The following HIBCH variants were observed in gnomAD, a reference collection of about 807,000 sequenced individuals.
HIBCH encodes 3-hydroxyisobutyryl-CoA hydrolase.
HIBCH carries 50 observed loss-of-function variants against 58.2 expected under a neutral mutation model. That is an observed-to-expected ratio of 0.86 (90% CI 0.68 to 1.09). HIBCH has a LOEUF of 1.09. Among genes scored for constraint, HIBCH ranks in the 50% least tolerant of loss-of-function variants. The pLI, the probability that HIBCH is intolerant of heterozygous loss-of-function variation, is 0.00. For missense variants in HIBCH, 450 were observed against 449.7 expected (o/e 1.00, Z -0.01); for synonymous variants, 151 against 146.9 (o/e 1.03, Z -0.20).
At position 190,209,798 on chromosome 2, in the gene HIBCH, A is replaced by C. The variant is rs1197930512; in HGVS notation, c.1012-885T>G. Among the ~76,000 whole-genome samples, 1 of 152,242 alleles carries C rather than the reference A, an allele frequency of 6.6e-6. No homozygotes were observed. On this transcript the variant is annotated intron_variant, in intron 12 of 13. Transcript: ENST00000359678. The surrounding 1 kb of genome is among the most constrained non-coding windows in gnomAD (Gnocchi z 5.6). ...TCCTAGAATCATCGATGTAGGCAATATAGCTGAGTTCAAATGTCTAGGTTC... is the reference window on the plus strand; with the variant it reads ...TCCTAGAATCATCGATGTAGGCAATCTAGCTGAGTTCAAATGTCTAGGTTC...
At chr2:190,278,383 T>C (rs2941091) in intron 6 of HIBCH, among the ~76,000 whole-genome samples, 108,572 of 151,554 alleles carry the variant, frequency 0.72, 39,438 homozygotes, top group Non-Finnish European at 0.75. Flanking sequence ...TTTGTATTTT[T>C]AGTAGAGAGG....
chr2:190,276,917 G>T (rs1687566831), intron 6 of HIBCH, among the ~76,000 whole-genome samples: 1 of 152,136 alleles, frequency 6.6e-6, no homozygotes, highest in South Asian at 2.1e-4. Flanking sequence ...TAAATGACTG[G>T]TATCACTGCT....
intron 1 of HIBCH, among the ~76,000 whole-genome samples, chr2:190,313,763 T>A (rs886308599): frequency 3.0e-4 from 46 of 152,074 alleles, no homozygotes; most frequent in Non-Finnish European, 1.3e-4. Flanking sequence ...AGATACTTTG[T>A]TTGAAGCTCC....
At position 190,266,806 on chromosome 2, in the gene HIBCH, C is replaced by A. The variant is rs186612824; in HGVS notation, c.439-5572G>T. Among the ~76,000 whole-genome samples, 64 of 151,778 alleles carry A rather than the reference C, an allele frequency of 4.2e-4. 1 individual carries two copies. In the East Asian group the frequency reaches 0.012, roughly 29 times the overall value. On this transcript the variant is annotated intron_variant, in intron 6 of 13. Coordinates refer to ENST00000359678, the MANE Select transcript of HIBCH (RefSeq NM_014362.4). The stretch of plus-strand genomic sequence containing the variant: ...GAGTCCTGCTTTGTTGCCCAGGCTG[C>A]AGTGCAGTGGCACAATATCAGCTCA...
intron 2 of HIBCH, among the ~76,000 whole-genome samples, chr2:190,308,458 G>T (rs908280581): frequency 1.3e-5 from 2 of 152,164 alleles, no homozygotes; most frequent in Non-Finnish European, 2.9e-5. Context: ...CTGCTCACAT[G>T]AACGGATTAA....
chr2:190,318,834 C>T lies in HIBCH; in HGVS notation c.35+882G>A, dbSNP rs1330025300. ...GGTATTAAAAAAACAAACAGAAAAG[C>T]AACTCTTAAATGTATAACAAAAATT... On this transcript the variant is annotated intron_variant, in intron 1 of 13. Transcript: ENST00000359678. Among the ~76,000 whole-genome samples, 5 of 152,098 alleles carry T rather than the reference C, an allele frequency of 3.3e-5. No individual in the cohort carries two copies. In the East Asian group the frequency reaches 9.6e-4, roughly 29 times the overall value.
At chr2:190,305,446 A>G (rs1036127315) in intron 2 of HIBCH, among the ~76,000 whole-genome samples, 6 of 152,096 alleles carry the variant, frequency 3.9e-5, no homozygotes, top group African/African-American at 1.4e-4. Context: ...TCCAATCTTC[A>G]CGTGACATTA....
At position 190,223,628 on chromosome 2, in the gene HIBCH, T is replaced by A. The variant is rs1043061342; in HGVS notation, c.892-10553A>T. 3.9e-5 allele frequency among the ~76,000 whole-genome samples: 6 copies of A among 152,090 alleles called. No individual in the cohort carries two copies. In the South Asian group the frequency reaches 8.3e-4, roughly 21 times the overall value. ...AACTCAAAGAGGGAGAAAATTAATA[T>A]AATTAGTTCTTAGAGGAGGCAGGAA... On this transcript the variant is annotated intron_variant, in intron 11 of 13. Coordinates refer to ENST00000359678, the MANE Select transcript of HIBCH (RefSeq NM_014362.4).
chr2:190,293,988 T>A (rs1688030397), intron 4 of HIBCH, among the ~76,000 whole-genome samples: 1 of 143,480 alleles, frequency 7.0e-6, no homozygotes, highest in Non-Finnish European at 1.5e-5. Flanking sequence ...TAAAATATAC[T>A]TACAATATAT....
chr2:190,318,641 G>A (rs1240937202), intron 1 of HIBCH, among the ~76,000 whole-genome samples: 1 of 152,174 alleles, frequency 6.6e-6, no homozygotes, highest in Non-Finnish European at 1.5e-5. Context: ...GGAAATGACA[G>A]ATCCTTTCCT....
At chr2:190,222,489 A>G (rs1685749337) in intron 11 of HIBCH, among the ~76,000 whole-genome samples, 1 of 152,238 alleles carries the variant, frequency 6.6e-6, no homozygotes, top group African/African-American at 2.4e-5. Flanking sequence ...CTCAAAAAAG[A>G]CATTTATGCA....
chr2:190,285,024 A>G (rs1378560606), intron 6 of HIBCH, among the ~76,000 whole-genome samples: 1 of 152,082 alleles, frequency 6.6e-6, no homozygotes, highest in African/African-American at 2.4e-5. Context: ...ATTCATTTTC[A>G]TCACTTATAT....
chr2:190,284,381 A>T (rs1208538248), intron 6 of HIBCH, among the ~76,000 whole-genome samples: 1 of 148,910 alleles, frequency 6.7e-6, no homozygotes, highest in Non-Finnish European at 1.5e-5. Context: ...AGGCTTCTGT[A>T]AAAAAAAAAT....
intron 6 of HIBCH, among the ~76,000 whole-genome samples, chr2:190,277,857 G>A (rs926483590): frequency 6.6e-6 from 1 of 152,120 alleles, no homozygotes; most frequent in African/African-American, 2.4e-5. Flanking sequence ...CACTGCTCAT[G>A]CTGCAAGGTG....
chr2:190,218,769 C>A (rs1179099757), intron 11 of HIBCH, among the ~76,000 whole-genome samples: 1 of 152,204 alleles, frequency 6.6e-6, no homozygotes, highest in Non-Finnish European at 1.5e-5. Flanking sequence ...TATACCAGGA[C>A]AGGGATGCAT....
Position 190,279,595 on chromosome 2 carries a change from A to C in HIBCH, c.438+7991T>G, listed in dbSNP as rs1404764858. Reference sequence around the variant, plus strand: ...CTTTCCTCCCTGTCTAATTAGGAATAAATAGTAAATTCTCTTAGAAGCAAA... The same window carrying C: ...CTTTCCTCCCTGTCTAATTAGGAATCAATAGTAAATTCTCTTAGAAGCAAA... On this transcript the variant is annotated intron_variant, in intron 6 of 13. Coordinates refer to ENST00000359678, the MANE Select transcript of HIBCH (RefSeq NM_014362.4). This position sits in a 1 kb window ranked among gnomAD's most constrained non-coding sequence, Gnocchi z 4.2. Among the ~76,000 whole-genome samples, 1 of 152,240 alleles carries C rather than the reference A, an allele frequency of 6.6e-6. No homozygotes were observed. The highest frequency in any genetic ancestry group is 2.4e-5 in the African/African-American group (1 of 41,470).
chr2:190,304,195 T>C lies in HIBCH; in HGVS notation c.78+6559A>G, dbSNP rs1462449718. Among the ~76,000 whole-genome samples the C allele has an allele frequency of 3.3e-5, 5 of 150,958 alleles. No homozygotes were observed. Among genetic ancestry groups the C allele is most frequent in the Admixed American group, 2.0e-4 (3 of 15,158 alleles). On this transcript the variant is annotated intron_variant, in intron 2 of 13. Coordinates refer to ENST00000359678, the MANE Select transcript of HIBCH (RefSeq NM_014362.4). This position sits in a 1 kb window ranked among gnomAD's most constrained non-coding sequence, Gnocchi z 4.1. The stretch of plus-strand genomic sequence containing the variant: ...TCTGGAGTTAACAGTAATATACAAA[T>C]TGCCTTAGTTAAGTTTCTGTTGCTC...
At chr2:190,231,200 C>T (rs13405019) in intron 11 of HIBCH, among the ~76,000 whole-genome samples, 47,744 of 151,888 alleles carry the variant, frequency 0.31, 8,651 homozygotes, top group African/African-American at 0.48. Context: ...TTTTACACTA[C>T]GCACAAAAAA....
In HIBCH at chr2:190,209,370, G is replaced by A. The variant is rs1448993485; in HGVS notation, c.1012-457C>T. On this transcript the variant is annotated intron_variant, in intron 12 of 13. Transcript: ENST00000359678. The surrounding 1 kb of genome is among the most constrained non-coding windows in gnomAD (Gnocchi z 5.6). ...TCTTGCTGCAGAAAATCATACAACT[G>A]TGACTGGTTTCATTTAAAATTCATG... is the stretch of plus-strand genomic sequence containing the variant. Among the ~76,000 whole-genome samples, 1 of 152,084 alleles carries A rather than the reference G, an allele frequency of 6.6e-6. No individual in the cohort carries two copies. The highest frequency in any genetic ancestry group is 6.6e-5 in the Admixed American group (1 of 15,266).
Sources: gnomAD v4.1 joint callset for allele counts (sites outside exome capture counted in the v4.1 genomes callset) on GRCh38, gnomAD v4.1.1 for gene constraint, Gnocchi (gnomAD v3.1) non-coding constraint, MANE v1.5 for transcripts, NCBI Gene and HGNC (gene_info 2026-07-23, HGNC 2026-07-21) for gene names.